The following SYNPO variants were observed in gnomAD, a reference collection of about 807,000 sequenced individuals.
SYNPO encodes the protein synaptopodin.
A neutral mutation model predicts 49.5 loss-of-function variants in SYNPO; 19 were observed. The ratio of observed to expected loss-of-function variants is 0.38; its 90% CI spans 0.27 to 0.56. SYNPO has a LOEUF of 0.56. Ranked by LOEUF, SYNPO falls within the 20% of genes least tolerant of loss-of-function variation. The pLI, the probability that SYNPO is intolerant of heterozygous loss-of-function variation, is 0.68. For synonymous variants in SYNPO, 536 were observed against 548.0 expected (o/e 0.98, Z 0.31); for missense variants, 1,131 against 1,248.3 (o/e 0.91, Z 1.42).
At chr5:150,611,165 T>A (rs12188485) in intron 1 of SYNPO, among the ~76,000 whole-genome samples, 3 of 152,078 alleles carry the variant, frequency 2.0e-5, no homozygotes, top group African/African-American at 7.2e-5. Context: ...TATTTTTCCA[T>A]CGTATTTAAC....
At chr5:150,654,853 C>T (rs1436980420) in intron 2 of SYNPO, among the ~76,000 whole-genome samples, 3 of 152,346 alleles carry the variant, frequency 2.0e-5, no homozygotes, top group Admixed American at 2.0e-4. Flanking sequence ...CGGCCAGGCG[C>T]GGTGGCTCAC....
chr5:150,588,743 C>T, the SYNPO span, among the ~76,000 whole-genome samples: 4 of 152,084 alleles, frequency 2.6e-5, no homozygotes, highest in East Asian at 7.7e-4. Flanking sequence ...TCTAATGAGG[C>T]CTTTGGACTT....
chr5:150,651,465 C>A, intron 2 of SYNPO: 1 of 1,000,616 alleles, frequency 1.0e-6, no homozygotes, highest in Non-Finnish European at 1.2e-6. Context: ...ACAAGACAGT[C>A]CCCTGGGAAG....
chr5:150,614,691 G>A (rs1044208817), intron 1 of SYNPO: 1 of 152,220 alleles, frequency 6.6e-6, no homozygotes, highest in African/African-American at 2.4e-5. Context: ...TAGAGCTTGT[G>A]TCCAGATGAG....
At chr5:150,598,814 G>A (rs537343130), upstream of SYNPO, among the ~76,000 whole-genome samples, 3 of 152,056 alleles carry the variant, frequency 2.0e-5, no homozygotes, top group South Asian at 2.1e-4. Flanking sequence ...GGCAGGGGCC[G>A]CTGATGGTGG....
At chr5:150,624,403 G>A (rs1171057919) in intron 2 of SYNPO, among the ~76,000 whole-genome samples, 1 of 152,156 alleles carries the variant, frequency 6.6e-6, no homozygotes, top group East Asian at 1.9e-4. Flanking sequence ...GAAAAGAAAA[G>A]GGGACACAAA....
the SYNPO span, among the ~76,000 whole-genome samples, chr5:150,586,257 G>A: frequency 6.6e-6 from 1 of 152,228 alleles, no homozygotes; most frequent in Non-Finnish European, 1.5e-5. Flanking sequence ...GCTGTGATAA[G>A]CTCGTTAAAC....
chr5:150,628,021 T>C (rs1414190795), intron 2 of SYNPO, among the ~76,000 whole-genome samples: 1 of 141,684 alleles, frequency 7.1e-6, no homozygotes, highest in African/African-American at 2.8e-5. Context: ...TGTGTGTTTC[T>C]GTGTGTGTGT....
chr5:150,625,094 G>A (rs1345775801), intron 2 of SYNPO, among the ~76,000 whole-genome samples: 2 of 152,238 alleles, frequency 1.3e-5, no homozygotes, highest in Non-Finnish European at 2.9e-5. Context: ...TGTAGGTGGG[G>A]GGCTGGAGGG....
At chr5:150,643,459 T>G (rs1757979799) in intron 1 of SYNPO, among the ~76,000 whole-genome samples, 1 of 152,244 alleles carries the variant, frequency 6.6e-6, no homozygotes, top group South Asian at 2.1e-4. Context: ...GAGATGTTTA[T>G]CCTGACCCTG....
chr5:150,631,254 TC>T (rs1246893682), intron 2 of SYNPO, among the ~76,000 whole-genome samples: 1 of 152,196 alleles, frequency 6.6e-6, no homozygotes, highest in African/African-American at 2.4e-5. Context: ...TGAAAACAAA[TC>T]CTTATGGAAT....
intron 2 of SYNPO, among the ~76,000 whole-genome samples, chr5:150,620,265 G>A (rs1757111131): frequency 1.3e-5 from 2 of 152,206 alleles, no homozygotes; most frequent in African/African-American, 4.8e-5. Context: ...ATCTAGATAG[G>A]TATGTAAGAA....
At position 150,648,725 on chromosome 5, in the gene SYNPO, G is replaced by A. The variant is rs933684937; in HGVS notation, c.450G>A (p.Val150=). 8.1e-6 allele frequency: 13 copies of A among 1,614,086 alleles called. No individual in the cohort carries two copies. The highest frequency in any genetic ancestry group is 1.0e-5 in the Non-Finnish European group (12 of 1,180,052). Residue 150 remains valine, a synonymous_variant, in exon 2 of 3, where the codon GTG becomes GTA. Coordinates refer to ENST00000307662, the MANE Select transcript of SYNPO (RefSeq NM_007286.6). The surrounding 1 kb of genome is among the most constrained non-coding windows in gnomAD (Gnocchi z 5.0). ...AACCCCAGGCACCGGCTGAGGAGGT[G>A]AGATGCAGCACACTCCTAATTGACA... ...DGQPQAPAEE[V]RCSTLLIDKV... is the part of the protein sequence containing the mutation.
intron 1 of SYNPO, chr5:150,608,310 A>C (rs1013904042): frequency 6.6e-6 from 1 of 152,256 alleles, no homozygotes; most frequent in Admixed American, 6.5e-5. Flanking sequence ...CAAAAGGGCC[A>C]GCATGACTTT....
At chr5:150,609,786 C>T (rs865963399) in intron 1 of SYNPO, among the ~76,000 whole-genome samples, 1 of 105,416 alleles carries the variant, frequency 9.5e-6, no homozygotes, top group African/African-American at 3.7e-5. Flanking sequence ...GTGAATGTGG[C>T]GGGGGGGGGC....
intron 1 of SYNPO, among the ~76,000 whole-genome samples, chr5:150,603,678 T>C (rs1332684447): frequency 2.6e-5 from 4 of 152,198 alleles, no homozygotes; most frequent in Non-Finnish European, 5.9e-5. Flanking sequence ...GACAGCATCC[T>C]TGGGTAGGGA....
At chr5:150,641,731 A>T (rs192647908) in intron 1 of SYNPO, among the ~76,000 whole-genome samples, 2 of 152,354 alleles carry the variant, frequency 1.3e-5, no homozygotes, top group East Asian at 3.9e-4. Context: ...ATGCCTTATC[A>T]GTCCTTTCTA....
the SYNPO span, among the ~76,000 whole-genome samples, chr5:150,590,110 C>T: frequency 3.3e-5 from 5 of 152,224 alleles, no homozygotes; most frequent in Non-Finnish European, 7.3e-5. Context: ...ACAGTGTCAT[C>T]CTCATGTTTC....
chr5:150,600,011 G>A (rs1034308012), upstream of SYNPO, among the ~76,000 whole-genome samples: 5 of 152,164 alleles, frequency 3.3e-5, no homozygotes, highest in Middle Eastern at 3.2e-3. Flanking sequence ...ACAGCTTGCC[G>A]GCAAAACCTT....
Sources: allele counts gnomAD v4.1 joint callset (sites outside exome capture counted in the v4.1 genomes callset), GRCh38; gene constraint gnomAD v4.1.1; non-coding constraint Gnocchi (gnomAD v3.1); transcripts MANE v1.5; gene names NCBI Gene and HGNC (gene_info 2026-07-23, HGNC 2026-07-21).